LGI2: variants seen among roughly 807,000 people sequenced by gnomAD.
LGI2 encodes leucine-rich repeat LGI family member 2.
LGI2 carries 30 observed loss-of-function variants against 52.0 expected under a neutral mutation model. The ratio of observed to expected loss-of-function variants is 0.58; its 90% CI spans 0.43 to 0.78. The LOEUF (loss-of-function observed/expected upper bound fraction) is 0.78. Ranked by LOEUF, LGI2 falls within the 30% of genes least tolerant of loss-of-function variation. The pLI, the probability that LGI2 is intolerant of heterozygous loss-of-function variation, is 0.00. For synonymous variants in LGI2, 270 were observed against 271.8 expected, an observed-to-expected ratio of 0.99 and a Z score of 0.06; for missense variants, 573 against 692.5, an observed-to-expected ratio of 0.83 and a Z score of 1.94.
At chr4:25,022,374 G>A (rs773201770) in intron 4 of LGI2, among the ~76,000 whole-genome samples, 2 of 152,166 alleles carry the variant, frequency 1.3e-5, no homozygotes, top group Non-Finnish European at 2.9e-5. Flanking sequence ...GGGATGGGGT[G>A]GGGGAGCGCC....
Position 25,030,876 on chromosome 4 carries a change from A to C in LGI2, c.-183T>G. ...GAGCAGCATGCTGGCCGCCACCCCC[A>C]CTCGGCGCCCCCCCACCCGAGCCCG... On this transcript the variant is annotated 5_prime_UTR_variant, in exon 1 of 8. Transcript: ENST00000382114. The C allele has an allele frequency of 1.6e-5, 3 of 183,162 alleles. No homozygotes were observed. Among genetic ancestry groups the C allele is most frequent in the Non-Finnish European group, 3.1e-5 (3 of 96,738 alleles). The allele number at this position is 183,162 out of a possible 1,614,324, so 11.3% of individuals were successfully genotyped here.
downstream of LGI2, among the ~76,000 whole-genome samples, chr4:24,997,501 C>T (rs776962539): frequency 1.3e-5 from 2 of 152,164 alleles, no homozygotes; most frequent in African/African-American, 2.4e-5. Context: ...TGAAAAGAAA[C>T]TAGGCCATTC....
intron 4 of LGI2, among the ~76,000 whole-genome samples, chr4:25,021,542 T>A (rs953581011): frequency 6.6e-6 from 1 of 152,128 alleles, no homozygotes; most frequent in Non-Finnish European, 1.5e-5. Flanking sequence ...TCTTAGAGGT[T>A]TTTAGAAGGG....
At position 24,999,744 on chromosome 4, in the gene LGI2, T is replaced by G; in HGVS notation, c.*3707A>C. The G allele has an allele frequency of 2.2e-6, 1 of 450,542 alleles. No individual in the cohort carries two copies. The highest frequency in any genetic ancestry group is 4.5e-6 in the Non-Finnish European group (1 of 223,920). 27.9% of individuals were successfully genotyped at this position (450,542 alleles called of 1,614,324 possible). Reference sequence around the variant, plus strand: ...CAAACCTCTGGCATCCCATGCTGATTTCTTTCCTAAAAATACACAGACTCT... The same window carrying G: ...CAAACCTCTGGCATCCCATGCTGATGTCTTTCCTAAAAATACACAGACTCT... On this transcript the variant is annotated 3_prime_UTR_variant, in exon 8 of 8. Transcript: ENST00000382114.
At position 25,013,435 on chromosome 4, in the gene LGI2, G is replaced by T. The variant is rs564070347; in HGVS notation, c.656-936C>A. ...GAGAGTGTGGACAAGTGGCTCTAGT[G>T]GACGGGGTACCTTCCCATCCCCAAG... On this transcript the variant is annotated intron_variant, in intron 6 of 7. Transcript: ENST00000382114. Among the ~76,000 whole-genome samples, 14 of 152,286 alleles carry T rather than the reference G, an allele frequency of 9.2e-5. No homozygotes were observed. The South Asian group carries it at 2.1e-3, about 23-fold the overall frequency.
rs1725236517 is a variant in LGI2, at chr4:25,001,453, A to G, written c.*1998T>C. ...ATCTGAGTGGTTCCATGCAACAGAA[A>G]GAATAGCTTGCCATCTTTAGGACTG... On this transcript the variant is annotated 3_prime_UTR_variant, in exon 8 of 8. Coordinates refer to ENST00000382114, the MANE Select transcript of LGI2 (RefSeq NM_018176.4). 6.6e-6 allele frequency: 1 copy of G among 152,202 alleles called. No homozygotes were observed. 9.4% of individuals were successfully genotyped at this position (152,202 alleles called of 1,614,324 possible).
Position 25,004,378 on chromosome 4 carries a change from T to C in LGI2, c.821-110A>G, listed in dbSNP as rs1325754533. On this transcript the variant is annotated intron_variant, in intron 7 of 7. Coordinates refer to ENST00000382114, the MANE Select transcript of LGI2 (RefSeq NM_018176.4). The surrounding 1 kb of genome is among the most constrained non-coding windows in gnomAD (Gnocchi z 4.6). Reference sequence around the variant, plus strand: ...GGAGTGTGAAATGGCACAGCCACTATGGAAAACAGTATGGTGGTTCCTTGA... The same window carrying C: ...GGAGTGTGAAATGGCACAGCCACTACGGAAAACAGTATGGTGGTTCCTTGA... The C allele has an allele frequency of 1.3e-5, 12 of 930,662 alleles. No homozygotes were observed. Among genetic ancestry groups the C allele is most frequent in the Non-Finnish European group, 1.6e-5 (10 of 617,340 alleles). The allele number at this position is 930,662 out of a possible 1,614,324, so 57.7% of individuals were successfully genotyped here.
rs530554020 is a variant in LGI2 at position 25,028,400 on chromosome 4, G to A, written c.269+107C>T. ...CAAGAGGCAGCCACGGTCTCCTCAC[G>A]GAGCTGGGGTACTTTAGGAAGGGCT... is the stretch of plus-strand genomic sequence containing the variant. On this transcript the variant is annotated intron_variant, in intron 2 of 7. Coordinates refer to ENST00000382114, the MANE Select transcript of LGI2 (RefSeq NM_018176.4). 86 of 975,744 alleles carry A rather than the reference G, an allele frequency of 8.8e-5. 2 individuals are homozygous for A. The highest frequency in any genetic ancestry group is 7.8e-4 in the South Asian group (55 of 70,184). The allele number at this position is 975,744 out of a possible 1,614,324, so 60.4% of individuals were successfully genotyped here.
At chr4:25,020,881 T>G (rs935542792) in intron 4 of LGI2, among the ~76,000 whole-genome samples, 11 of 152,238 alleles carry the variant, frequency 7.2e-5, no homozygotes, top group Admixed American at 6.5e-4. Flanking sequence ...TTAACTGTGT[T>G]GGAAAATAGG....
At chr4:25,023,947 A>G (rs1220112800) in intron 4 of LGI2, among the ~76,000 whole-genome samples, 2 of 152,232 alleles carry the variant, frequency 1.3e-5, no homozygotes, top group African/African-American at 4.8e-5. Context: ...TTTTATCTCC[A>G]GAAAGCTCTT....
At chr4:25,023,475 G>T (rs777753508) in intron 4 of LGI2, among the ~76,000 whole-genome samples, 1 of 152,210 alleles carries the variant, frequency 6.6e-6, no homozygotes, top group African/African-American at 2.4e-5. Flanking sequence ...CTCCTTACCC[G>T]ATAGGCTTTA....
At chr4:25,020,742 C>T (rs753970722) in intron 4 of LGI2, among the ~76,000 whole-genome samples, 2 of 152,172 alleles carry the variant, frequency 1.3e-5, no homozygotes, top group Non-Finnish European at 1.5e-5. Flanking sequence ...TTCAGGACAC[C>T]AAGTTAATAT....
intron 7 of LGI2, among the ~76,000 whole-genome samples, chr4:25,009,116 T>C (rs1035204585): frequency 3.9e-5 from 6 of 152,192 alleles, no homozygotes; most frequent in African/African-American, 1.4e-4. Flanking sequence ...TCCTCCTGCC[T>C]CTGCACAAAA....
Position 25,003,513 on chromosome 4 carries a change from CAAA to C in LGI2, c.1573_1575del (p.Phe525del), listed in dbSNP as rs1459530720. 1 of 1,606,342 alleles carries C rather than the reference CAAA, an allele frequency of 6.2e-7. No homozygotes were observed. Among genetic ancestry groups the C allele is most frequent in the South Asian group, 1.1e-5 (1 of 89,294 alleles). On this transcript the variant is annotated inframe_deletion, in exon 8 of 8. Coordinates refer to ENST00000382114, the MANE Select transcript of LGI2 (RefSeq NM_018176.4). The stretch of plus-strand genomic sequence containing the variant: ...TTTGTTTTCCCTTTGAAACTGGATG[CAAA>C]AAAGAAATCTCTCCTGTCGGTGGAG...
chr4:25,010,372 C>G (rs1322862946), intron 7 of LGI2, among the ~76,000 whole-genome samples: 1 of 152,292 alleles, frequency 6.6e-6, no homozygotes, highest in African/African-American at 2.4e-5. Flanking sequence ...CATGAGAAAC[C>G]CTGGGCTCAG....
chr4:25,003,708 AT>A lies in LGI2; in HGVS notation c.1380del (p.Ser461ProfsTer5), dbSNP rs779188370. ...SKQFVEIQAL[P>X]SRGAMTLQPF... ...GGCTGCAGGGTCATGGCCCCCCGGG[AT>A]GGAAGAGCTTGGATCTCCACAAACT... On this transcript the variant is annotated frameshift_variant, in exon 8 of 8. Transcript: ENST00000382114. LOFTEE classifies it high-confidence loss of function. 2 of 1,614,048 alleles carry A rather than the reference AT, an allele frequency of 1.2e-6. No homozygotes were observed. The highest frequency in any genetic ancestry group is 2.7e-5 in the African/African-American group (2 of 74,912).
chr4:25,029,452 A>G (rs1726255514), intron 1 of LGI2, among the ~76,000 whole-genome samples: 3 of 152,226 alleles, frequency 2.0e-5, no homozygotes, highest in Non-Finnish European at 4.4e-5. Flanking sequence ...CACTGGACAC[A>G]AGAAAGTATC....
In LGI2 at chr4:24,999,777, T is replaced by C; in HGVS notation, c.*3674A>G. 2.2e-6 allele frequency: 1 copy of C among 455,902 alleles called. No homozygotes were observed. The highest frequency in any genetic ancestry group is 4.4e-6 in the Non-Finnish European group (1 of 226,836). The allele number at this position is 455,902 out of a possible 1,614,324, so 28.2% of individuals were successfully genotyped here. A position where few individuals can be genotyped will look rare whatever the true frequency, so the allele number is the denominator to read the frequency against. ...TAAAAATACACAGACTCTCACTCCA[T>C]GGGGAAGAAAAAATGCAACTCTGCC... On this transcript the variant is annotated 3_prime_UTR_variant, in exon 8 of 8. Coordinates refer to ENST00000382114, the MANE Select transcript of LGI2 (RefSeq NM_018176.4).
chr4:24,997,295 T>C (rs1725107897), downstream of LGI2, among the ~76,000 whole-genome samples: 1 of 152,210 alleles, frequency 6.6e-6, no homozygotes, highest in Admixed American at 6.5e-5. Context: ...AAAATAAGTG[T>C]ACTTGCCTTG....
Sources: gnomAD v4.1 joint callset for allele counts (sites outside exome capture counted in the v4.1 genomes callset) on GRCh38, gnomAD v4.1.1 for gene constraint, Gnocchi (gnomAD v3.1) non-coding constraint, MANE v1.5 for transcripts, NCBI Gene and HGNC (gene_info 2026-07-23, HGNC 2026-07-21) for gene names.